ZNF695: variants seen among roughly 807,000 people sequenced by gnomAD.
ZNF695 encodes zinc finger protein 695.
Under a neutral mutation model 11.2 loss-of-function variants are expected in ZNF695, and 11 were observed. That is an observed-to-expected ratio of 0.98 (90% CI 0.62 to 1.62). ZNF695 has a LOEUF of 1.62. Ranked by LOEUF, ZNF695 falls within the 40% of genes most tolerant of loss-of-function variation. The pLI is 0.00. For synonymous variants in ZNF695, 190 were observed against 201.4 expected (o/e 0.94, Z 0.48); for missense variants, 559 against 590.5 (o/e 0.95, Z 0.55).
At chr1:246,995,071 A>G (rs1669161102) in intron 3 of ZNF695, among the ~76,000 whole-genome samples, 3 of 152,312 alleles carry the variant, frequency 2.0e-5, no homozygotes, top group Admixed American at 6.5e-5. Context: ...GCACTATAAA[A>G]CAGTGACAAC....
At chr1:246,999,024 A>G (rs1380565399) in intron 3 of ZNF695, among the ~76,000 whole-genome samples, 1 of 150,706 alleles carries the variant, frequency 6.6e-6, no homozygotes, top group East Asian at 1.9e-4. Context: ...ATATGAGCAT[A>G]GAGTTCCTCA....
At chr1:246,959,311 ATATATATATATATATATAT>A (rs1301145412) in intron 5 of ZNF695, among the ~76,000 whole-genome samples, 1,022 of 20,932 alleles carry the variant, frequency 0.049, 88 homozygotes, top group African/African-American at 0.084. Flanking sequence ...AAAAAAAAAA[ATATATATATATATATATAT>A]ATATATATAT....
Position 246,987,294 on chromosome 1 carries a change from G to C in ZNF695, c.1221C>G (p.Pro407=). 2.5e-6 allele frequency: 4 copies of C among 1,613,180 alleles called. No individual in the cohort carries two copies. The highest frequency in any genetic ancestry group is 3.4e-6 in the Non-Finnish European group (4 of 1,179,776). ...QHKRIHTGQK[P]YKCEECGKAF... is the part of the protein sequence containing the mutation. Reference sequence around the variant, plus strand: ...CTTTGCCACATTCCTCACATTTGTAGGGTTTCTGCCCAGTATGAATTCTCT... The same window carrying C: ...CTTTGCCACATTCCTCACATTTGTACGGTTTCTGCCCAGTATGAATTCTCT... Residue 407 remains proline, a synonymous_variant, in exon 4 of 4, where the codon CCC becomes CCG. Transcript: ENST00000339986.
At chr1:246,965,996 G>A (rs1254258490) in intron 5 of ZNF695, among the ~76,000 whole-genome samples, 2 of 151,766 alleles carry the variant, frequency 1.3e-5, no homozygotes, top group Admixed American at 6.6e-5. Flanking sequence ...CAGGTAGTCA[G>A]GGAGGCCTCA....
chr1:246,988,818 C>T (rs1335712437), intron 3 of ZNF695, among the ~76,000 whole-genome samples: 8 of 151,970 alleles, frequency 5.3e-5, no homozygotes, highest in East Asian at 1.9e-4. Context: ...AGGCCGGGCG[C>T]GGTGGCTCAC....
intron 4 of ZNF695, among the ~76,000 whole-genome samples, chr1:246,977,648 T>C (rs2103016632): frequency 6.6e-6 from 1 of 152,370 alleles, no homozygotes; most frequent in East Asian, 1.9e-4. Flanking sequence ...TGTCAGAGTT[T>C]TTATGACATT....
chr1:246,966,932 C>T (rs1228719963), intron 5 of ZNF695: 6 of 430,952 alleles, frequency 1.4e-5, no homozygotes, highest in African/African-American at 4.1e-5. Context: ...TTAAATGTTA[C>T]TTTTTTTGTT....
downstream of ZNF695, among the ~76,000 whole-genome samples, chr1:246,981,760 G>A (rs185155937): frequency 2.3e-4 from 35 of 152,256 alleles, 1 homozygote; most frequent in Non-Finnish European, 2.9e-5. Context: ...TTTGGCTATT[G>A]TAGAAACACA....
intron 5 of ZNF695, chr1:246,967,675 AAG>A (rs1436930663): frequency 8.3e-6 from 3 of 359,708 alleles, no homozygotes; most frequent in African/African-American, 6.4e-5. Flanking sequence ...TTATAAAGAA[AAG>A]AGATTTAATC....
intron 1 of ZNF695, among the ~76,000 whole-genome samples, chr1:247,003,665 T>C (rs781492427): frequency 2.0e-5 from 3 of 152,252 alleles, no homozygotes; most frequent in Non-Finnish European, 2.9e-5. Context: ...TCTATCTTTA[T>C]AGTTTTGGTA....
chr1:246,990,840 C>T (rs1341212612), intron 3 of ZNF695, among the ~76,000 whole-genome samples: 1 of 152,050 alleles, frequency 6.6e-6, no homozygotes, highest in Non-Finnish European at 1.5e-5. Flanking sequence ...GGAAATTAAA[C>T]AATACGCTCC....
chr1:246,952,000 G>C (rs1667879514), intron 5 of ZNF695, among the ~76,000 whole-genome samples: 1 of 152,154 alleles, frequency 6.6e-6, no homozygotes, highest in African/African-American at 2.4e-5. Flanking sequence ...ACATGCTGGA[G>C]GGCAGTGGTG....
chr1:246,962,395 G>A (rs1434018283), intron 5 of ZNF695, among the ~76,000 whole-genome samples: 6 of 152,228 alleles, frequency 3.9e-5, no homozygotes, highest in Non-Finnish European at 5.9e-5. Flanking sequence ...GAAGTCTGGT[G>A]GTCGTCCTAG....
chr1:246,976,657 G>A (rs1408313079), intron 4 of ZNF695, among the ~76,000 whole-genome samples: 1 of 151,902 alleles, frequency 6.6e-6, no homozygotes, highest in Admixed American at 6.6e-5. Flanking sequence ...AGCCAGGCAT[G>A]GTGGCGGGCA....
chr1:246,947,553 A>T (rs1333321020), intron 5 of ZNF695, among the ~76,000 whole-genome samples: 2 of 152,168 alleles, frequency 1.3e-5, no homozygotes, highest in Admixed American at 1.3e-4. Flanking sequence ...GCAGAGTACA[A>T]CAGATTTGGG....
rs1037119022 is a variant in ZNF695 at position 247,008,025 on chromosome 1, A to G, written c.-117T>C. The G allele has an allele frequency of 7.5e-6, 9 of 1,197,780 alleles. No homozygotes were observed. The highest frequency in any genetic ancestry group is 3.1e-5 in the Admixed American group (1 of 32,232). 74.2% of individuals were successfully genotyped at this position (1,197,780 alleles called of 1,614,324 possible). ...ACTCTCCGAGAGGCAGCAGACGGGA[A>G]CCCAGCACCCCGCCGGCCGCAAGGA... On this transcript the variant is annotated 5_prime_UTR_variant, in exon 1 of 4. Coordinates refer to ENST00000339986, the MANE Select transcript of ZNF695 (RefSeq NM_020394.5).
intron 4 of ZNF695, among the ~76,000 whole-genome samples, chr1:246,979,402 C>T (rs1339406984): frequency 6.6e-6 from 1 of 152,054 alleles, no homozygotes; most frequent in Non-Finnish European, 1.5e-5. Context: ...AGGAGAGCAT[C>T]CTGGGTAATT....
chr1:246,981,297 C>T (rs1329020948), downstream of ZNF695, among the ~76,000 whole-genome samples: 1 of 151,980 alleles, frequency 6.6e-6, no homozygotes, highest in African/African-American at 2.4e-5. Flanking sequence ...ACCAATACAG[C>T]CACTGCCAAA....
intron 1 of ZNF695, among the ~76,000 whole-genome samples, chr1:247,001,010 T>C (rs1193502598): frequency 6.6e-6 from 1 of 151,972 alleles, no homozygotes; most frequent in Non-Finnish European, 1.5e-5. Flanking sequence ...CTAGGCAAAA[T>C]AGTGAGACCC....
Sources: allele counts gnomAD v4.1 joint callset (sites outside exome capture counted in the v4.1 genomes callset), GRCh38; gene constraint gnomAD v4.1.1; transcripts MANE v1.5; gene names NCBI Gene and HGNC (gene_info 2026-07-23, HGNC 2026-07-21).